Variants in FHIT observed in about 807,000 individuals in gnomAD.
FHIT encodes fragile histidine triad diadenosine triphosphatase, also known as bis(5'-adenosyl)-triphosphatase.
FHIT carries 19 observed loss-of-function variants against 17.9 expected under a neutral mutation model. The observed-to-expected ratio is 1.06, with a 90% CI of 0.74 to 1.56. The LOEUF (loss-of-function observed/expected upper bound fraction) is 1.56. Ranked by LOEUF, FHIT falls within the 40% of genes most tolerant of loss-of-function variation. The pLI is 0.00. For synonymous variants in FHIT, 81 were observed against 69.7 expected (o/e 1.16, Z -0.81); for missense variants, 248 against 189.2 (o/e 1.31, Z -1.82).
chr3:60,056,575 G>C (rs1489466842), intron 5 of FHIT, among the ~76,000 whole-genome samples: 1 of 152,216 alleles, frequency 6.6e-6, no homozygotes, highest in African/African-American at 2.4e-5. Flanking sequence ...GAGGGTGTGT[G>C]CTTTGCTCTG....
chr3:60,351,956 G>C (rs1226267013), intron 5 of FHIT, among the ~76,000 whole-genome samples: 2 of 152,252 alleles, frequency 1.3e-5, no homozygotes, highest in South Asian at 4.1e-4. Context: ...CCTCCTTATA[G>C]CTTGCTAACA....
In FHIT at chr3:60,176,934, C is replaced by G. The variant is rs560758124; in HGVS notation, c.104-162782G>C. Among the ~76,000 whole-genome samples, 3 of 151,548 alleles carry G rather than the reference C, an allele frequency of 2.0e-5. No homozygotes were observed. In the South Asian group the frequency reaches 6.3e-4, roughly 32 times the overall value. On this transcript the variant is annotated intron_variant, in intron 5 of 9. Transcript: ENST00000492590. ...AGGGAAAAGGATCATGGAAAGAAAC[C>G]AAGGAGGGCAAAGCAAGGAGAAAGG...
intron 7 of FHIT, among the ~76,000 whole-genome samples, chr3:59,945,732 C>T (rs116695424): frequency 0.059 from 9,011 of 152,202 alleles, 347 homozygotes; most frequent in Admixed American, 0.1. Flanking sequence ...AGGAAGGGGT[C>T]CAGTTTCAGT....
At chr3:60,102,079 G>A (rs981515750) in intron 5 of FHIT, among the ~76,000 whole-genome samples, 5 of 152,190 alleles carry the variant, frequency 3.3e-5, no homozygotes, top group Non-Finnish European at 7.3e-5. Flanking sequence ...TGGTGGGTGA[G>A]TCCCAGAAGT....
At chr3:60,945,139 T>C (rs1553775442) in intron 3 of FHIT, among the ~76,000 whole-genome samples, 1 of 151,754 alleles carries the variant, frequency 6.6e-6, no homozygotes, top group African/African-American at 2.4e-5. Context: ...TCTGAGAAGA[T>C]GACATTTGAG....
intron 5 of FHIT, among the ~76,000 whole-genome samples, chr3:60,027,461 A>C (rs941640158): frequency 6.6e-6 from 1 of 152,142 alleles, no homozygotes; most frequent in African/African-American, 2.4e-5. Context: ...ATAATCTCTC[A>C]TTACCAACAT....
intron 5 of FHIT, among the ~76,000 whole-genome samples, chr3:60,170,603 G>T (rs1450635100): frequency 6.6e-6 from 1 of 151,908 alleles, no homozygotes; most frequent in Non-Finnish European, 1.5e-5. Context: ...TTTTTTTAAT[G>T]ATTATTTGTT....
chr3:61,186,668 G>C (rs1256649217), intron 2 of FHIT, among the ~76,000 whole-genome samples: 1 of 152,176 alleles, frequency 6.6e-6, no homozygotes, highest in African/African-American at 2.4e-5. Context: ...CTGGCCTAAG[G>C]CTTCAGGAAG....
At chr3:60,638,047 G>C (rs1228623535) in intron 4 of FHIT, among the ~76,000 whole-genome samples, 2 of 152,174 alleles carry the variant, frequency 1.3e-5, no homozygotes, top group African/African-American at 4.8e-5. Context: ...GTGGTAGAAT[G>C]AAATAGATCA....
chr3:59,864,340 T>C (rs1702538070), intron 8 of FHIT, among the ~76,000 whole-genome samples: 1 of 152,156 alleles, frequency 6.6e-6, no homozygotes, highest in Non-Finnish European at 1.5e-5. Context: ...CAGGGGCTTC[T>C]GCTTTTGGTT....
intron 4 of FHIT, among the ~76,000 whole-genome samples, chr3:60,610,600 A>G (rs2107731209): frequency 6.6e-6 from 1 of 152,328 alleles, no homozygotes; most frequent in Middle Eastern, 3.4e-3. Context: ...TATTAGGGAC[A>G]GTCACAGAAT....
intron 8 of FHIT, among the ~76,000 whole-genome samples, chr3:59,813,476 A>T (rs1275636759): frequency 6.6e-6 from 1 of 152,166 alleles, no homozygotes; most frequent in Admixed American, 6.5e-5. Context: ...AATTCCTGGA[A>T]CGCTTACTTA....
chr3:60,123,893 G>C (rs1184636779), intron 5 of FHIT, among the ~76,000 whole-genome samples: 1 of 145,188 alleles, frequency 6.9e-6, no homozygotes, highest in Non-Finnish European at 1.5e-5. Flanking sequence ...AAAAATATTT[G>C]TTACATGAGT....
At chr3:60,925,421 A>C (rs1707538872) in intron 3 of FHIT, among the ~76,000 whole-genome samples, 1 of 152,198 alleles carries the variant, frequency 6.6e-6, no homozygotes, top group Non-Finnish European at 1.5e-5. Flanking sequence ...TTCTTAAAGA[A>C]AAGAATTTTC....
At chr3:61,031,043 C>T (rs1360610535) in intron 3 of FHIT, among the ~76,000 whole-genome samples, 2 of 152,130 alleles carry the variant, frequency 1.3e-5, no homozygotes, top group African/African-American at 2.4e-5. Context: ...GGGGTCCTTG[C>T]AGTGTTTTGA....
At chr3:61,019,376 G>A (rs2032283252) in intron 3 of FHIT, among the ~76,000 whole-genome samples, 2 of 152,182 alleles carry the variant, frequency 1.3e-5, no homozygotes, top group Admixed American at 6.5e-5. Context: ...ATGTTGCAAG[G>A]TACTATTCTA....
intron 7 of FHIT, among the ~76,000 whole-genome samples, chr3:59,924,999 T>C (rs1705582517): frequency 6.7e-6 from 1 of 150,318 alleles, no homozygotes; most frequent in Admixed American, 6.7e-5. Context: ...GTAGACTCTT[T>C]GTCTCTTTTC....
intron 2 of FHIT, among the ~76,000 whole-genome samples, chr3:61,115,254 A>G (rs2036267639): frequency 6.6e-6 from 1 of 152,208 alleles, no homozygotes; most frequent in South Asian, 2.1e-4. Flanking sequence ...GAAAAGCAAG[A>G]TAACCATCCT....
intron 5 of FHIT, among the ~76,000 whole-genome samples, chr3:60,505,804 T>G (rs1468753299): frequency 6.6e-6 from 1 of 152,188 alleles, no homozygotes; most frequent in African/African-American, 2.4e-5. Context: ...GGTATTGCAA[T>G]GGCATTCTTT....
Sources: allele counts gnomAD v4.1 joint callset (sites outside exome capture counted in the v4.1 genomes callset), GRCh38; gene constraint gnomAD v4.1.1; transcripts MANE v1.5; gene names NCBI Gene and HGNC (gene_info 2026-07-23, HGNC 2026-07-21).